Variants in LMBR1 observed in about 807,000 individuals in gnomAD.
LMBR1 encodes limb development membrane protein 1, also known as limb region 1 protein homolog.
A neutral mutation model predicts 73.9 loss-of-function variants in LMBR1; 52 were observed. The ratio of observed to expected loss-of-function variants is 0.70; its 90% CI spans 0.56 to 0.89. The LOEUF is 0.89. Ranked by LOEUF, LMBR1 falls within the 40% of genes least tolerant of loss-of-function variation. The pLI is 0.00. For synonymous variants in LMBR1, 215 were observed against 209.4 expected (o/e 1.03, Z -0.23); for missense variants, 539 against 579.8 (o/e 0.93, Z 0.72).
chr7:156,858,072 C>CA (rs764584626), intron 1 of LMBR1, among the ~76,000 whole-genome samples: 3,970 of 59,570 alleles, frequency 0.067, 92 homozygotes, highest in South Asian at 0.13. Flanking sequence ...CCAAAGTAAG[C>CA]AAAAAAAAAA....
intron 4 of LMBR1, among the ~76,000 whole-genome samples, chr7:156,805,948 G>A (rs745577109): frequency 2.0e-5 from 3 of 152,174 alleles, no homozygotes; most frequent in Non-Finnish European, 2.9e-5. Context: ...GATGCGAGGA[G>A]ACAACCATCC....
intron 15 of LMBR1, among the ~76,000 whole-genome samples, chr7:156,710,813 C>T (rs1019818483): frequency 5.3e-5 from 8 of 152,108 alleles, no homozygotes; most frequent in African/African-American, 7.2e-5. Context: ...TCAGATTAAC[C>T]GTAAATTTTT....
At chr7:156,833,691 G>T in intron 3 of LMBR1, 62 bp downstream of exon 3, 1 of 1,229,382 alleles carries the variant, frequency 8.1e-7, no homozygotes, top group Non-Finnish European at 1.2e-6. Flanking sequence ...AATTAGAATT[G>T]GATTTTGAGA....
At chr7:156,802,495 A>G (rs961500993) in intron 4 of LMBR1, among the ~76,000 whole-genome samples, 43 of 152,336 alleles carry the variant, frequency 2.8e-4, no homozygotes, top group African/African-American at 9.4e-4. Flanking sequence ...CTCTCTCAGG[A>G]AAAAGGTCAC....
intron 16 of LMBR1, among the ~76,000 whole-genome samples, chr7:156,686,576 A>C (rs1806066125): frequency 6.6e-6 from 1 of 152,228 alleles, no homozygotes; most frequent in African/African-American, 2.4e-5. Flanking sequence ...TGTATCTATT[A>C]GGTAGTTTTA....
At chr7:156,823,755 T>C (rs1586042055) in intron 4 of LMBR1, 1 of 152,146 alleles carries the variant, frequency 6.6e-6, no homozygotes, top group Non-Finnish European at 1.5e-5. Context: ...CACAATATAA[T>C]ATTAAAGGTT....
At chr7:156,773,963 T>C (rs1426782507) in intron 5 of LMBR1, among the ~76,000 whole-genome samples, 1 of 151,948 alleles carries the variant, frequency 6.6e-6, no homozygotes. Context: ...TTGCAAACTA[T>C]GCATCTGACA....
chr7:156,792,366 T>A lies in LMBR1; in HGVS notation c.423+4023A>T, dbSNP rs538591885. Reference sequence around the variant, plus strand: ...GTAAACGGAGTCACTTTCAAATACCTATGAACATACCTAAAGCTCAATACA... The same window carrying A: ...GTAAACGGAGTCACTTTCAAATACCAATGAACATACCTAAAGCTCAATACA... On this transcript the variant is annotated intron_variant, in intron 5 of 16. Transcript: ENST00000353442. Among the ~76,000 whole-genome samples, 1 of 152,342 alleles carries A rather than the reference T, an allele frequency of 6.6e-6. No homozygotes were observed. The highest frequency in any genetic ancestry group is 2.1e-4 in the South Asian group (1 of 4,832).
chr7:156,759,549 TA>T (rs1400659992), intron 8 of LMBR1, among the ~76,000 whole-genome samples: 1 of 152,226 alleles, frequency 6.6e-6, no homozygotes, highest in Non-Finnish European at 1.5e-5. Context: ...ATTATGTGTG[TA>T]AAATATAGTG....
Position 156,879,309 on chromosome 7 carries a change from T to C in LMBR1, c.66+13619A>G, listed in dbSNP as rs138266589. On this transcript the variant is annotated intron_variant, in intron 1 of 16. Transcript: ENST00000353442. ...ACAATCTATACATCTGACAAAGGAC[T>C]GATATCCAGAATCCACAATGGACTC... is the stretch of plus-strand genomic sequence containing the variant. 8.5e-3 allele frequency among the ~76,000 whole-genome samples: 1,300 copies of C among 152,198 alleles called. 27 individuals carry two copies. The highest frequency in any genetic ancestry group is 0.03 in the African/African-American group (1,258 of 41,514).
At chr7:156,863,987 TA>T (rs901180855) in intron 1 of LMBR1, among the ~76,000 whole-genome samples, 1 of 151,648 alleles carries the variant, frequency 6.6e-6, no homozygotes, top group African/African-American at 2.4e-5. Context: ...TCATCTCTAC[TA>T]AAAATACAAA....
chr7:156,883,939 T>C (rs529310484), intron 1 of LMBR1, among the ~76,000 whole-genome samples: 1 of 152,242 alleles, frequency 6.6e-6, no homozygotes, highest in South Asian at 2.1e-4. Context: ...CACCACAGGC[T>C]CCAGGGATTA....
At chr7:156,832,438 C>T (rs1211410480) in intron 3 of LMBR1, among the ~76,000 whole-genome samples, 1 of 152,152 alleles carries the variant, frequency 6.6e-6, no homozygotes, top group Non-Finnish European at 1.5e-5. Context: ...AAATAAAATG[C>T]CAAACCCATG....
At chr7:156,781,561 G>A (rs1827136436) in intron 5 of LMBR1, among the ~76,000 whole-genome samples, 1 of 152,010 alleles carries the variant, frequency 6.6e-6, no homozygotes, top group African/African-American at 2.4e-5. Flanking sequence ...TTGGCATTTG[G>A]TTTTATGTAT....
chr7:156,846,116 T>G (rs535560799), intron 1 of LMBR1, among the ~76,000 whole-genome samples: 1 of 151,874 alleles, frequency 6.6e-6, no homozygotes, highest in Non-Finnish European at 1.5e-5. Context: ...AAAAATAATT[T>G]ACAATTTTTT....
intron 15 of LMBR1, among the ~76,000 whole-genome samples, chr7:156,706,996 T>A (rs1811083203): frequency 2.0e-5 from 3 of 148,046 alleles, no homozygotes; most frequent in South Asian, 2.1e-4. Context: ...ATTGCTAGAG[T>A]AACAAGGGAA....
At chr7:156,776,560 C>A (rs138866889) in intron 5 of LMBR1, among the ~76,000 whole-genome samples, 1 of 152,118 alleles carries the variant, frequency 6.6e-6, no homozygotes, top group African/African-American at 2.4e-5. Flanking sequence ...TCCACAATTT[C>A]CTGTCTTTTC....
intron 10 of LMBR1, among the ~76,000 whole-genome samples, chr7:156,729,635 G>A (rs781346312): frequency 3.3e-5 from 5 of 151,768 alleles, no homozygotes; most frequent in South Asian, 2.1e-4. Flanking sequence ...CACCAAGCCC[G>A]GCTAATTTTT....
At chr7:156,865,599 C>T (rs11979542) in intron 1 of LMBR1, among the ~76,000 whole-genome samples, 71,101 of 151,968 alleles carry the variant, frequency 0.47, 16,891 homozygotes, top group East Asian at 0.61. Flanking sequence ...CACATGAAAA[C>T]GGAACAAATC....
Sources: allele counts gnomAD v4.1 joint callset (sites outside exome capture counted in the v4.1 genomes callset), GRCh38; gene constraint gnomAD v4.1.1; transcripts MANE v1.5; gene names NCBI Gene and HGNC (gene_info 2026-07-23, HGNC 2026-07-21).